CCDC7: variants seen among roughly 807,000 people sequenced by gnomAD.
CCDC7 encodes the protein coiled-coil domain-containing protein 7.
A neutral mutation model predicts 196.9 loss-of-function variants in CCDC7; 183 were observed. The ratio of observed to expected loss-of-function variants is 0.93; its 90% CI spans 0.82 to 1.05. The LOEUF is 1.05. Ranked by LOEUF, CCDC7 falls within the 50% of genes least tolerant of loss-of-function variation. The pLI, the probability that CCDC7 is intolerant of heterozygous loss-of-function variation, is 0.00. For missense variants in CCDC7, 1,540 were observed against 1,482.2 expected, an observed-to-expected ratio of 1.04 and a Z score of -0.64; for synonymous variants, 525 against 484.6, an observed-to-expected ratio of 1.08 and a Z score of -1.10.
intron 21 of CCDC7, among the ~76,000 whole-genome samples, chr10:32,681,361 C>G (rs571970201): frequency 6.6e-6 from 1 of 152,280 alleles, no homozygotes; most frequent in African/African-American, 2.4e-5. Context: ...CTCTACCCCA[C>G]TACTTCACAC....
intron 15 of CCDC7, among the ~76,000 whole-genome samples, chr10:32,570,776 A>C (rs2057442025): frequency 6.6e-6 from 1 of 152,160 alleles, no homozygotes; most frequent in Non-Finnish European, 1.5e-5. Flanking sequence ...ACAAATGTAG[A>C]CTAACAATGT....
intron 29 of CCDC7, among the ~76,000 whole-genome samples, chr10:32,787,882 C>T (rs1316253113): frequency 2.0e-5 from 3 of 152,096 alleles, no homozygotes; most frequent in South Asian, 4.2e-4. Flanking sequence ...TCAGGCCTGC[C>T]CCTGAAGGCC....
intron 3 of CCDC7, among the ~76,000 whole-genome samples, chr10:32,459,503 C>T (rs1035333668): frequency 3.9e-5 from 6 of 152,196 alleles, no homozygotes; most frequent in East Asian, 1.9e-4. Context: ...GGGGCAAGAC[C>T]GAGTTAAAAT....
At chr10:32,598,491 C>G (rs1365300976) in intron 18 of CCDC7, among the ~76,000 whole-genome samples, 13 of 152,142 alleles carry the variant, frequency 8.5e-5, no homozygotes, top group Non-Finnish European at 5.9e-5. Context: ...GTGGGCTGCA[C>G]CCACGTGTCT....
upstream of CCDC7, among the ~76,000 whole-genome samples, chr10:32,444,184 C>A (rs902862578): frequency 2.6e-5 from 4 of 152,064 alleles, no homozygotes; most frequent in Admixed American, 1.3e-4. Flanking sequence ...AAGGAAAAAT[C>A]AATTTTTCAC....
At chr10:32,763,014 GTA>G (rs2077694614) in intron 28 of CCDC7, among the ~76,000 whole-genome samples, 1 of 151,804 alleles carries the variant, frequency 6.6e-6, no homozygotes, top group Non-Finnish European at 1.5e-5. Flanking sequence ...ACAAGTGGAA[GTA>G]TAATAAAACT....
At chr10:32,817,332 C>A (rs2088935459) in intron 31 of CCDC7, among the ~76,000 whole-genome samples, 1 of 152,114 alleles carries the variant, frequency 6.6e-6, no homozygotes, top group Non-Finnish European at 1.5e-5. Context: ...AAATATGGGA[C>A]TACATGAAAA....
At chr10:32,630,616 C>T (rs941798792) in intron 18 of CCDC7, among the ~76,000 whole-genome samples, 16 of 152,138 alleles carry the variant, frequency 1.1e-4, no homozygotes, top group Middle Eastern at 6.8e-3. Context: ...ATCTCCCAGA[C>T]AAAAAATCAA....
chr10:32,704,145 C>G (rs1565210863), intron 24 of CCDC7, among the ~76,000 whole-genome samples: 1 of 152,058 alleles, frequency 6.6e-6, no homozygotes, highest in Non-Finnish European at 1.5e-5. Context: ...TCTTTGTTAT[C>G]TACCTTTGGT....
At chr10:32,796,033 G>A (rs1462802324) in intron 29 of CCDC7, among the ~76,000 whole-genome samples, 2 of 152,158 alleles carry the variant, frequency 1.3e-5, no homozygotes, top group Non-Finnish European at 2.9e-5. Flanking sequence ...AAGTTACAGA[G>A]CAGTTTTGAG....
chr10:32,656,700 C>T (rs1045453490), intron 20 of CCDC7, among the ~76,000 whole-genome samples: 18 of 152,158 alleles, frequency 1.2e-4, no homozygotes, highest in African/African-American at 3.6e-4. Context: ...TGCGGCGAGC[C>T]AAACCATATC....
At chr10:32,708,134 A>G (rs945791587) in intron 24 of CCDC7, among the ~76,000 whole-genome samples, 60 of 152,156 alleles carry the variant, frequency 3.9e-4, no homozygotes, top group Non-Finnish European at 5.7e-4. Context: ...ATATAGACCA[A>G]TGGAAAAGAA....
chr10:32,671,107 C>T (rs1390275197), intron 21 of CCDC7, among the ~76,000 whole-genome samples: 2 of 152,022 alleles, frequency 1.3e-5, no homozygotes, highest in Non-Finnish European at 2.9e-5. Flanking sequence ...TTTAGTGTAA[C>T]CCAAGTGTAC....
At chr10:32,593,580 T>C (rs1423900208) in intron 18 of CCDC7, among the ~76,000 whole-genome samples, 3 of 152,364 alleles carry the variant, frequency 2.0e-5, no homozygotes, top group East Asian at 1.9e-4. Flanking sequence ...ATTTTGGCTT[T>C]TGTTGCCATT....
At chr10:32,790,671 T>C (rs1415190330) in intron 29 of CCDC7, among the ~76,000 whole-genome samples, 1 of 152,176 alleles carries the variant, frequency 6.6e-6, no homozygotes, top group Non-Finnish European at 1.5e-5. Context: ...GCCTTTGGAA[T>C]GCATTTTTTC....
intron 28 of CCDC7, among the ~76,000 whole-genome samples, chr10:32,732,449 T>G: frequency 6.6e-6 from 1 of 152,144 alleles, no homozygotes. Context: ...TTAATCATAT[T>G]TTTCATGTGT....
At chr10:32,573,251 A>T (rs1238355664) in intron 16 of CCDC7, among the ~76,000 whole-genome samples, 2 of 152,188 alleles carry the variant, frequency 1.3e-5, no homozygotes, top group Non-Finnish European at 2.9e-5. Context: ...AATCATGGTG[A>T]CGTATAGCCT....
At chr10:32,605,412 C>T (rs544447484) in intron 18 of CCDC7, among the ~76,000 whole-genome samples, 17 of 152,224 alleles carry the variant, frequency 1.1e-4, no homozygotes, top group African/African-American at 4.1e-4. Flanking sequence ...AGCTGCGTAA[C>T]AGGCAGAGGT....
chr10:32,619,484 T>C (rs915202941), intron 18 of CCDC7, among the ~76,000 whole-genome samples: 4 of 152,104 alleles, frequency 2.6e-5, no homozygotes, highest in Admixed American at 6.6e-5. Flanking sequence ...TAATATAAAA[T>C]TTATTTAGAA....
Sources: gnomAD v4.1 joint callset for allele counts (sites outside exome capture counted in the v4.1 genomes callset) on GRCh38, gnomAD v4.1.1 for gene constraint, MANE v1.5 for transcripts, NCBI Gene and HGNC (gene_info 2026-07-23, HGNC 2026-07-21) for gene names.